AKAP6: variants seen among roughly 807,000 people sequenced by gnomAD.
AKAP6 encodes the protein A-kinase anchor protein 6.
Under a neutral mutation model 188.5 loss-of-function variants are expected in AKAP6, and 58 were observed. That is an observed-to-expected ratio of 0.31 (90% CI 0.25 to 0.38). The LOEUF (loss-of-function observed/expected upper bound fraction) is 0.38, where lower values mean the gene tolerates loss of function less well. Among genes scored for constraint, AKAP6 ranks in the 10% least tolerant of loss-of-function variants. The pLI, the probability that AKAP6 is intolerant of heterozygous loss-of-function variation, is 1.00. For missense variants in AKAP6, 2,710 were observed against 2,740.0 expected, an observed-to-expected ratio of 0.99 and a Z score of 0.24; for synonymous variants, 989 against 998.6, an observed-to-expected ratio of 0.99 and a Z score of 0.18.
At chr14:32,583,052 G>A (rs1885053596) in intron 5 of AKAP6, among the ~76,000 whole-genome samples, 1 of 152,230 alleles carries the variant, frequency 6.6e-6, no homozygotes, top group South Asian at 2.1e-4. Flanking sequence ...TCCTTTGGAG[G>A]AGGAGAGGCG....
rs754386490 is a variant in AKAP6, at chr14:32,821,973, A to G, written c.4160A>G (p.Asp1387Gly). The G allele has an allele frequency of 1.2e-6, 2 of 1,613,858 alleles. No individual in the cohort carries two copies. The highest frequency in any genetic ancestry group is 1.7e-5 in the Admixed American group (1 of 59,934). ...NSEMCLLNAV[D>G]GSPSNLETEH... ...GAAATGTGCTTGCTCAATGCAGTGG[A>G]TGGGTCCCCAAGTAACCTTGAAACT... The change falls in exon 13 of 14, where the codon GAT (aspartate) becomes GGT (glycine). Residue 1387 changes from aspartate (D) to glycine (G), a missense_variant. This residue lies in a region of AKAP6 where 2,473 missense variants were observed against 2,426.1 expected (regional missense o/e 1.02). Coordinates refer to ENST00000280979, the MANE Select transcript of AKAP6 (RefSeq NM_004274.5).
chr14:32,492,251 C>G (rs1880055019), intron 2 of AKAP6, among the ~76,000 whole-genome samples: 1 of 151,116 alleles, frequency 6.6e-6, no homozygotes, highest in South Asian at 2.1e-4. Flanking sequence ...CCTTCTCTCT[C>G]TTTTTCTGGG....
intron 12 of AKAP6, among the ~76,000 whole-genome samples, chr14:32,795,838 C>A (rs1229686766): frequency 6.6e-6 from 1 of 152,150 alleles, no homozygotes; most frequent in African/African-American, 2.4e-5. Context: ...GAGAGGAAGT[C>A]AAATCATCTT....
chr14:32,548,983 G>A (rs749270805), intron 4 of AKAP6, among the ~76,000 whole-genome samples: 15 of 152,128 alleles, frequency 9.9e-5, no homozygotes, highest in African/African-American at 1.4e-4. Context: ...CTGGATAAAG[G>A]TATAGTGCAT....
At position 32,360,975 on chromosome 14, in the gene AKAP6, C is replaced by G. The variant is rs1025323231; in HGVS notation, c.-35+31567C>G. Reference sequence around the variant, plus strand: ...TATTGCCCTGGCTACTCTTGAACTCCTGGGCTCAAGTGATCCTTCTGCTTC... The same window carrying G: ...TATTGCCCTGGCTACTCTTGAACTCGTGGGCTCAAGTGATCCTTCTGCTTC... On this transcript the variant is annotated intron_variant, in intron 1 of 13. Transcript: ENST00000280979. 4.0e-5 allele frequency among the ~76,000 whole-genome samples: 6 copies of G among 150,956 alleles called. No individual in the cohort carries two copies. The East Asian group carries it at 5.9e-4, about 15-fold the overall frequency.
intron 12 of AKAP6, among the ~76,000 whole-genome samples, chr14:32,783,078 A>G (rs9322911): frequency 0.68 from 103,172 of 151,916 alleles, 35,241 homozygotes; most frequent in African/African-American, 0.71. Context: ...CAATGGAACA[A>G]AATAAATATT....
intron 2 of AKAP6, among the ~76,000 whole-genome samples, chr14:32,469,463 T>C (rs988454224): frequency 1.3e-5 from 2 of 152,210 alleles, no homozygotes; most frequent in Non-Finnish European, 1.5e-5. Context: ...TTTGAAAACA[T>C]GTCCAATAAT....
At chr14:32,509,139 T>C (rs1179582275) in intron 2 of AKAP6, among the ~76,000 whole-genome samples, 1 of 106,342 alleles carries the variant, frequency 9.4e-6, no homozygotes, top group African/African-American at 3.7e-5. Context: ...TTTTTTTTTT[T>C]TTTTTGAGAG....
intron 12 of AKAP6, among the ~76,000 whole-genome samples, chr14:32,790,347 G>A (rs11156764): frequency 0.44 from 66,864 of 151,882 alleles, 14,995 homozygotes; most frequent in Non-Finnish European, 0.48. Flanking sequence ...ACAGGTCAAT[G>A]TTCAAATTCA....
At position 32,400,478 on chromosome 14, in the gene AKAP6, T is replaced by C. The variant is rs143273955; in HGVS notation, c.-34-32982T>C. ...CTTTTCATTCCTGAGAGTTTATACATTTAAAAAATTGTTGGTTATATTTTA... is the reference window on the plus strand; with the variant it reads ...CTTTTCATTCCTGAGAGTTTATACACTTAAAAAATTGTTGGTTATATTTTA... On this transcript the variant is annotated intron_variant, in intron 1 of 13. Transcript: ENST00000280979. Among the ~76,000 whole-genome samples, 476 of 148,248 alleles carry C rather than the reference T, an allele frequency of 3.2e-3. 6 individuals carry two copies. Among genetic ancestry groups the C allele is most frequent in the African/African-American group, 0.011 (450 of 40,784 alleles).
At chr14:32,610,508 A>T (rs1886308298) in intron 7 of AKAP6, among the ~76,000 whole-genome samples, 1 of 152,160 alleles carries the variant, frequency 6.6e-6, no homozygotes. Flanking sequence ...CTTCTTGCTC[A>T]CTGCCTAGCA....
intron 2 of AKAP6, among the ~76,000 whole-genome samples, chr14:32,527,483 T>C (rs1882192172): frequency 6.6e-6 from 1 of 152,062 alleles, no homozygotes; most frequent in Non-Finnish European, 1.5e-5. Flanking sequence ...AACCAAGGAG[T>C]GCGATTGCTG....
chr14:32,351,093 G>T (rs1409001908), intron 1 of AKAP6, among the ~76,000 whole-genome samples: 1 of 152,132 alleles, frequency 6.6e-6, no homozygotes, highest in East Asian at 1.9e-4. Flanking sequence ...ATTTTTAAAT[G>T]TTTGAGAGAG....
intron 12 of AKAP6, among the ~76,000 whole-genome samples, chr14:32,799,742 G>A (rs968333104): frequency 6.6e-6 from 1 of 151,806 alleles, no homozygotes; most frequent in Non-Finnish European, 1.5e-5. Context: ...AGTATGTCTT[G>A]GTGAATGTTC....
intron 4 of AKAP6, among the ~76,000 whole-genome samples, chr14:32,569,974 A>T (rs542123630): frequency 6.8e-4 from 104 of 152,186 alleles, no homozygotes; most frequent in Middle Eastern, 3.4e-3. Context: ...CTGGTCGGGT[A>T]GCTGGGTGGT....
intron 1 of AKAP6, among the ~76,000 whole-genome samples, chr14:32,332,221 A>C (rs1364630978): frequency 6.6e-6 from 1 of 152,124 alleles, no homozygotes; most frequent in Non-Finnish European, 1.5e-5. Context: ...CTGGCTATGC[A>C]GCACACATGC....
At chr14:32,677,262 T>C (rs1044180795) in intron 7 of AKAP6, among the ~76,000 whole-genome samples, 6 of 152,238 alleles carry the variant, frequency 3.9e-5, no homozygotes, top group Non-Finnish European at 2.9e-5. Flanking sequence ...CAAAAGGCCT[T>C]GGTCAGCTGT....
intron 8 of AKAP6, among the ~76,000 whole-genome samples, chr14:32,692,627 A>G (rs1348149803): frequency 1.3e-5 from 2 of 152,190 alleles, no homozygotes. Context: ...CTGCTGACAC[A>G]TGCTGCTTTT....
chr14:32,431,694 A>G (rs565355650), intron 1 of AKAP6, among the ~76,000 whole-genome samples: 1 of 152,130 alleles, frequency 6.6e-6, no homozygotes, highest in South Asian at 2.1e-4. Flanking sequence ...TGGTATTTTT[A>G]GTAGAGACAG....
Sources: gnomAD v4.1 joint callset for allele counts (sites outside exome capture counted in the v4.1 genomes callset) on GRCh38, gnomAD v4.1.1 for gene constraint, gnomAD v4.1.1 regional missense constraint, MANE v1.5 for transcripts, NCBI Gene and HGNC (gene_info 2026-07-23, HGNC 2026-07-21) for gene names.